Variants in SIN3A observed in about 807,000 individuals in gnomAD.
The protein encoded by SIN3A is SIN3 transcription regulator family member A, also known as paired amphipathic helix protein Sin3a.
Under a neutral mutation model 146.1 loss-of-function variants are expected in SIN3A, and 14 were observed. That is an observed-to-expected ratio of 0.10 (90% CI 0.06 to 0.15). The LOEUF is 0.15. Ranked by LOEUF, SIN3A falls within the 10% of genes least tolerant of loss-of-function variation. The probability of loss-of-function intolerance (pLI) is 1.00; values close to 1 mark genes in which losing one functional copy is unlikely to be tolerated. For synonymous variants in SIN3A, 572 were observed against 572.0 expected (o/e 1.00, Z 0.00); for missense variants, 1,028 against 1,576.0 (o/e 0.65, Z 5.89).
rs1404897354 is a variant in SIN3A at position 75,400,871 on chromosome 15, A to C, written c.1596T>G (p.Thr532=). 14 of 1,614,068 alleles carry C rather than the reference A, an allele frequency of 8.7e-6. No individual in the cohort carries two copies. Among genetic ancestry groups the C allele is most frequent in the African/African-American group, 1.3e-5 (1 of 74,936 alleles). ...CCTCTGTGGCTCGCTCCTTTGGATAAGTTTCCAGATGTACAGACTCCTTAT... is the reference window on the plus strand; with the variant it reads ...CCTCTGTGGCTCGCTCCTTTGGATACGTTTCCAGATGTACAGACTCCTTAT... ...LGYKESVHLE[T]YPKERATEGI... The change falls in exon 11 of 21, where the codon ACT becomes ACG. Residue 532 remains threonine (T), a synonymous_variant. Coordinates refer to ENST00000394947, the MANE Select transcript of SIN3A (RefSeq NM_001145358.2).
chr15:75,395,791 G>A (rs1234095959), intron 13 of SIN3A, among the ~76,000 whole-genome samples: 1 of 152,134 alleles, frequency 6.6e-6, no homozygotes. Context: ...TGTAGTCCCA[G>A]CTATTCGGGA....
chr15:75,412,182 T>C (rs2073653095), intron 5 of SIN3A, among the ~76,000 whole-genome samples: 1 of 152,236 alleles, frequency 6.6e-6, no homozygotes, highest in Non-Finnish European at 1.5e-5. Flanking sequence ...TTATTTGCAC[T>C]GTCTTATACA....
At chr15:75,400,305 TA>T (rs1405501054) in intron 11 of SIN3A, 149 bp from the exon 12 acceptor site, 7 of 582,794 alleles carry the variant, frequency 1.2e-5, no homozygotes, top group Non-Finnish European at 2.1e-5. Context: ...TACAAAAAGC[TA>T]TTAGTAAGAA....
At chr15:75,412,458 T>C (rs2073658525) in intron 5 of SIN3A, among the ~76,000 whole-genome samples, 1 of 152,260 alleles carries the variant, frequency 6.6e-6, no homozygotes, top group African/African-American at 2.4e-5. Flanking sequence ...CGATGGTTTC[T>C]ATCTGTGCTG....
At chr15:75,426,730 G>A (rs887234181) in intron 2 of SIN3A, among the ~76,000 whole-genome samples, 1 of 152,100 alleles carries the variant, frequency 6.6e-6, no homozygotes, top group Non-Finnish European at 1.5e-5. Flanking sequence ...AAGAGTTCAA[G>A]ACCAGCCTGG....
At chr15:75,389,107 A>AT (rs1432194928) in intron 16 of SIN3A, among the ~76,000 whole-genome samples, 1 of 152,164 alleles carries the variant, frequency 6.6e-6, no homozygotes, top group African/African-American at 2.4e-5. Context: ...AAAAGATGTT[A>AT]TGTGAACCCT....
rs1567365392 is a variant in SIN3A, at chr15:75,410,293, A to G, written c.1009-7T>C. The G allele has an allele frequency of 6.2e-7, 1 of 1,609,700 alleles. No individual in the cohort carries two copies. The highest frequency in any genetic ancestry group is 2.2e-5 in the East Asian group (1 of 44,840). On this transcript the variant is annotated splice_region_variant and splice_polypyrimidine_tract_variant and intron_variant, in intron 6 of 20. Transcript: ENST00000394947. The stretch of plus-strand genomic sequence containing the variant: ...TGGCATTTCTCTGCTCTTTCTGAGG[A>G]ATTGCAAATGAAAAGAGATCATTTG...
chr15:75,422,187 C>T, intron 3 of SIN3A: 1 of 202,724 alleles, frequency 4.9e-6, no homozygotes, highest in Non-Finnish European at 1.0e-5. Flanking sequence ...TTGAGACCAG[C>T]CTGGGGAACA....
intron 1 of SIN3A, among the ~76,000 whole-genome samples, chr15:75,445,102 C>G (rs184907599): frequency 6.6e-6 from 1 of 152,068 alleles, no homozygotes; most frequent in Admixed American, 6.5e-5. Flanking sequence ...TCTATAAGGC[C>G]AGGTGCAGTG....
At chr15:75,401,827 G>T in intron 10 of SIN3A, 25 bp downstream of exon 10, 1 of 1,374,026 alleles carries the variant, frequency 7.3e-7, no homozygotes, top group South Asian at 1.2e-5. Flanking sequence ...TCATGCATCA[G>T]GGCTAAGCCC....
chr15:75,380,596 A>T, intron 19 of SIN3A, 33 bp downstream of exon 19: 1 of 1,465,928 alleles, frequency 6.8e-7, no homozygotes, highest in Non-Finnish European at 9.6e-7. Context: ...CATGCACAGT[A>T]TGGACTGCTG....
chr15:75,389,665 C>T lies in SIN3A; in HGVS notation c.3008G>A (p.Ser1003Asn). The change falls in exon 16 of 21, where the codon AGC (serine) becomes AAC (asparagine). Residue 1003 changes from serine (S) to asparagine (N), a missense_variant. Transcript: ENST00000394947. The stretch of plus-strand genomic sequence containing the variant: ...CCATGCCCTCACCTGTCTGACAATG[C>T]TCTGGATCAGTTTGTCCATGGTAAA... ...IAFTMDKLIQ[S>N]IVRQLQHIVS... is the part of the protein sequence containing the mutation. The T allele has an allele frequency of 6.2e-7, 1 of 1,614,116 alleles. No homozygotes were observed. Among genetic ancestry groups the T allele is most frequent in the Middle Eastern group, 1.7e-4 (1 of 6,052 alleles).
intron 3 of SIN3A, among the ~76,000 whole-genome samples, chr15:75,414,926 G>T (rs2073705561): frequency 1.3e-5 from 2 of 152,160 alleles, no homozygotes; most frequent in Non-Finnish European, 2.9e-5. Flanking sequence ...TTAGAAATCT[G>T]AAAACAGTTT....
chr15:75,389,913 C>T, intron 15 of SIN3A, 92 bp from the exon 16 acceptor site: 1 of 1,244,554 alleles, frequency 8.0e-7, no homozygotes, highest in Non-Finnish European at 1.1e-6. Context: ...GCCTAAATGG[C>T]ATTTGAAAGT....
intron 3 of SIN3A, chr15:75,422,244 T>C: frequency 3.4e-6 from 1 of 298,166 alleles, no homozygotes; most frequent in Non-Finnish European, 6.1e-6. Context: ...AAAAAAATTT[T>C]TAAGAATTTA....
intron 20 of SIN3A, among the ~76,000 whole-genome samples, chr15:75,373,447 C>A (rs1028402770): frequency 1.3e-5 from 2 of 152,112 alleles, no homozygotes; most frequent in Non-Finnish European, 2.9e-5. Context: ...TCTGCCAACC[C>A]TGAGACAGCA....
rs182335681 is a variant in SIN3A at position 75,379,597 on chromosome 15, A to G, written c.3383+1032T>C. 7.8e-4 allele frequency among the ~76,000 whole-genome samples: 119 copies of G among 152,348 alleles called. 1 individual carries two copies. The highest frequency in any genetic ancestry group is 1.8e-3 in the Admixed American group (28 of 15,304). On this transcript the variant is annotated intron_variant, in intron 19 of 20. Coordinates refer to ENST00000394947, the MANE Select transcript of SIN3A (RefSeq NM_001145358.2). Reference sequence around the variant, plus strand: ...ACAGAGCAACTGCTCAAATGTGTTAAATGATTCAATGAATGGAGAACCCGG... The same window carrying G: ...ACAGAGCAACTGCTCAAATGTGTTAGATGATTCAATGAATGGAGAACCCGG...
intron 1 of SIN3A, among the ~76,000 whole-genome samples, chr15:75,439,745 T>C (rs190741538): frequency 6.6e-6 from 1 of 152,106 alleles, no homozygotes; most frequent in African/African-American, 2.4e-5. Flanking sequence ...AACTCTTATC[T>C]TTTTTTACGC....
intron 20 of SIN3A, among the ~76,000 whole-genome samples, chr15:75,372,712 T>G (rs2141359215): frequency 6.6e-6 from 1 of 151,508 alleles, no homozygotes; most frequent in African/African-American, 2.4e-5. Context: ...TCCCAGCTAC[T>G]TGGTAGGCTG....
Sources: gnomAD v4.1 joint callset for allele counts (sites outside exome capture counted in the v4.1 genomes callset) on GRCh38, gnomAD v4.1.1 for gene constraint, MANE v1.5 for transcripts, NCBI Gene and HGNC (gene_info 2026-07-23, HGNC 2026-07-21) for gene names.